The following SNX3 variants were observed in gnomAD, a reference collection of about 807,000 sequenced individuals.
SNX3 encodes the protein sorting nexin-3.
A neutral mutation model predicts 17.7 loss-of-function variants in SNX3; 5 were observed. The ratio of observed to expected loss-of-function variants is 0.28; its 90% CI spans 0.15 to 0.59. SNX3 has a LOEUF of 0.59. Among genes scored for constraint, SNX3 ranks in the 20% least tolerant of loss-of-function variants. SNX3 has a pLI of 0.88. For missense variants in SNX3, 132 were observed against 206.8 expected, an observed-to-expected ratio of 0.64 and a Z score of 2.22; for synonymous variants, 91 against 76.5, an observed-to-expected ratio of 1.19 and a Z score of -0.99.
chr6:108,258,327 G>A (rs552260501), intron 1 of SNX3, among the ~76,000 whole-genome samples: 13 of 151,766 alleles, frequency 8.6e-5, no homozygotes, highest in African/African-American at 2.9e-4. Context: ...GCGTGGTGGC[G>A]CATGCCTGTA....
intron 1 of SNX3, among the ~76,000 whole-genome samples, chr6:108,242,701 G>T (rs573565649): frequency 2.0e-5 from 3 of 152,200 alleles, no homozygotes; most frequent in African/African-American, 7.2e-5. Flanking sequence ...AAAGGTGAAG[G>T]GATTTTACAG....
At chr6:108,227,557 T>C (rs1184674356) in intron 1 of SNX3, among the ~76,000 whole-genome samples, 2 of 152,202 alleles carry the variant, frequency 1.3e-5, no homozygotes, top group Non-Finnish European at 2.9e-5. Flanking sequence ...TATGATTAGC[T>C]AATAGTTTGA....
At chr6:108,254,226 T>G (rs1775965480) in intron 1 of SNX3, among the ~76,000 whole-genome samples, 1 of 151,672 alleles carries the variant, frequency 6.6e-6, no homozygotes, top group Admixed American at 6.6e-5. Flanking sequence ...ATGAATTTTC[T>G]GTGAGGGCTC....
intron 1 of SNX3, among the ~76,000 whole-genome samples, chr6:108,231,778 T>C (rs1038451263): frequency 2.0e-5 from 3 of 152,232 alleles, no homozygotes; most frequent in Admixed American, 6.5e-5. Flanking sequence ...CTCTGCTTCT[T>C]AGAGAATTCA....
chr6:108,233,724 G>A (rs1037908120), intron 1 of SNX3, among the ~76,000 whole-genome samples: 3 of 152,158 alleles, frequency 2.0e-5, no homozygotes, highest in African/African-American at 4.8e-5. Flanking sequence ...ACTCCAGCCT[G>A]GCTGAAAGAG....
chr6:108,254,418 T>C (rs1371255313), intron 1 of SNX3, among the ~76,000 whole-genome samples: 1 of 152,016 alleles, frequency 6.6e-6, no homozygotes, highest in African/African-American at 2.4e-5. Flanking sequence ...TGAGCCCAGA[T>C]TGCACCACCG....
At chr6:108,219,375 G>T (rs1343015341) in intron 2 of SNX3, among the ~76,000 whole-genome samples, 1 of 152,176 alleles carries the variant, frequency 6.6e-6, no homozygotes, top group Non-Finnish European at 1.5e-5. Flanking sequence ...GGAGGCCAAG[G>T]CAGGAGGATT....
At chr6:108,258,414 C>T (rs989148731) in intron 1 of SNX3, among the ~76,000 whole-genome samples, 8 of 151,114 alleles carry the variant, frequency 5.3e-5, no homozygotes, top group South Asian at 2.1e-4. Flanking sequence ...GCCAAAATAG[C>T]GCCGCTGCAC....
chr6:108,222,642 A>C (rs1774831032), intron 2 of SNX3, among the ~76,000 whole-genome samples: 1 of 152,226 alleles, frequency 6.6e-6, no homozygotes, highest in Non-Finnish European at 1.5e-5. Context: ...AACTTGGCTT[A>C]AGTGTGTGGA....
chr6:108,223,188 G>C (rs1774860457), intron 1 of SNX3, 143 bp from the exon 2 acceptor site: 5 of 590,908 alleles, frequency 8.5e-6, no homozygotes, highest in Non-Finnish European at 1.5e-5. Context: ...GCCTAGGCTG[G>C]AGTGCAATGG....
intron 1 of SNX3, among the ~76,000 whole-genome samples, chr6:108,257,971 T>C (rs1562443941): frequency 6.6e-6 from 1 of 151,260 alleles, no homozygotes; most frequent in African/African-American, 2.4e-5. Context: ...TCAAAAAGAA[T>C]AAAAATAAAA....
Position 108,222,950 on chromosome 6 carries a change from C to T in SNX3, c.258G>A (p.Lys86=). 1 of 1,565,344 alleles carries T rather than the reference C, an allele frequency of 6.4e-7. No individual in the cohort carries two copies. Among genetic ancestry groups the T allele is most frequent in the Non-Finnish European group, 8.8e-7 (1 of 1,138,798 alleles). ...AAGTTGCATCATAAATCATTCTTAC[C>T]TTGCTCTCTCTTTCTAATTCACTTC... The part of the protein sequence containing the change: ...WLRSELERES[K]VVVPPLPGKA... Residue 86 remains lysine, a splice_region_variant and synonymous_variant, in exon 2 of 4, where the codon AAG becomes AAA. Transcript: ENST00000230085.
chr6:108,258,196 AT>A (rs1364530720), intron 1 of SNX3, among the ~76,000 whole-genome samples: 1 of 152,126 alleles, frequency 6.6e-6, no homozygotes, highest in African/African-American at 2.4e-5. Context: ...GCGGTGGCTC[AT>A]GCCTGTAATC....
At chr6:108,212,673 T>C (rs1348062408) in intron 3 of SNX3, among the ~76,000 whole-genome samples, 1 of 152,148 alleles carries the variant, frequency 6.6e-6, no homozygotes, top group African/African-American at 2.4e-5. Flanking sequence ...AGTATTATTC[T>C]GGACTGTCCA....
At chr6:108,212,915 T>G (rs1189465699) in intron 3 of SNX3, among the ~76,000 whole-genome samples, 4 of 139,284 alleles carry the variant, frequency 2.9e-5, no homozygotes, top group African/African-American at 1.1e-4. Context: ...GAGACAAAAG[T>G]GTTGCTCTAT....
intron 1 of SNX3, among the ~76,000 whole-genome samples, chr6:108,234,483 G>A (rs1183337501): frequency 5.3e-5 from 8 of 152,030 alleles, no homozygotes; most frequent in East Asian, 3.9e-4. Context: ...CCCAAGAGGC[G>A]GAGGTTGCGG....
chr6:108,248,957 G>A (rs1775770170), intron 1 of SNX3, among the ~76,000 whole-genome samples: 1 of 151,990 alleles, frequency 6.6e-6, no homozygotes, highest in Non-Finnish European at 1.5e-5. Flanking sequence ...TTGTAGAAAG[G>A]ACTTACCTAT....
chr6:108,257,667 ATACTAAAAGAAATCCAGGCTGG>A lies in SNX3; in HGVS notation c.162+3071_162+3092del, dbSNP rs1478610759. Among the ~76,000 whole-genome samples the A allele has an allele frequency of 2.0e-5, 3 of 152,202 alleles. No homozygotes were observed. The East Asian group carries it at 5.8e-4, about 29-fold the overall frequency. ...CCTTAGTTTTAAGTTAACACATTACATACTAAAAGAAATCCAGGCTGGGCATGGTGGCTCACGCCTGTAATCT... is the reference window on the plus strand; with the variant it reads ...CCTTAGTTTTAAGTTAACACATTACAGCATGGTGGCTCACGCCTGTAATCT... On this transcript the variant is annotated intron_variant, in intron 1 of 3. Transcript: ENST00000230085.
intron 1 of SNX3, among the ~76,000 whole-genome samples, chr6:108,238,833 T>C (rs890775415): frequency 3.9e-5 from 6 of 152,180 alleles, no homozygotes; most frequent in African/African-American, 1.2e-4. Context: ...AACAAACATA[T>C]GTAAGTATAA....
Sources: gnomAD v4.1 joint callset for allele counts (sites outside exome capture counted in the v4.1 genomes callset) on GRCh38, gnomAD v4.1.1 for gene constraint, MANE v1.5 for transcripts, NCBI Gene and HGNC (gene_info 2026-07-23, HGNC 2026-07-21) for gene names.